CUL2: variants seen among roughly 807,000 people sequenced by gnomAD.
CUL2 encodes cullin-2.
CUL2 carries 22 observed loss-of-function variants against 110.2 expected under a neutral mutation model. That is an observed-to-expected ratio of 0.20 (90% CI 0.14 to 0.28). The LOEUF (loss-of-function observed/expected upper bound fraction) is 0.28, where lower values mean the gene tolerates loss of function less well. Among genes scored for constraint, CUL2 ranks in the 10% least tolerant of loss-of-function variants. The pLI is 1.00. For synonymous variants in CUL2, 279 were observed against 293.2 expected, an observed-to-expected ratio of 0.95 and a Z score of 0.49; for missense variants, 631 against 905.5, an observed-to-expected ratio of 0.70 and a Z score of 3.89.
At chr10:35,110,510 A>T (rs2087512212) in intron 1 of CUL2, among the ~76,000 whole-genome samples, 1 of 152,210 alleles carries the variant, frequency 6.6e-6, no homozygotes, top group Non-Finnish European at 1.5e-5. Flanking sequence ...GGTTGCAGTG[A>T]GCTAAGATCA....
chr10:35,107,730 A>T (rs191292369), intron 1 of CUL2, among the ~76,000 whole-genome samples: 242 of 151,842 alleles, frequency 1.6e-3, no homozygotes, highest in Admixed American at 3.3e-3. Flanking sequence ...AAAATACAAA[A>T]AATTAGCCAG....
At chr10:35,076,499 G>A (rs2086821113) in intron 1 of CUL2, among the ~76,000 whole-genome samples, 1 of 152,124 alleles carries the variant, frequency 6.6e-6, no homozygotes, top group Admixed American at 6.5e-5. Flanking sequence ...TGAGGTGGAA[G>A]TAAGTATCAA....
chr10:35,025,212 AAAAAAAC>A lies in CUL2; in HGVS notation c.1618-21_1618-15del. ...AAATAATTCAAACTGTAAAAAAAAA[AAAAAAAC>A]ACACATTATTTTTAGCTACTATAAC... On this transcript the variant is annotated splice_polypyrimidine_tract_variant and intron_variant, in intron 16 of 20. Coordinates refer to ENST00000374749, the MANE Select transcript of CUL2 (RefSeq NM_003591.4). The A allele has an allele frequency of 6.4e-7, 1 of 1,561,598 alleles. No homozygotes were observed. Among genetic ancestry groups the A allele is most frequent in the African/African-American group, 1.4e-5 (1 of 71,496 alleles).
chr10:35,065,389 G>A (rs1009743891), intron 2 of CUL2, among the ~76,000 whole-genome samples: 19 of 152,148 alleles, frequency 1.2e-4, no homozygotes, highest in African/African-American at 4.3e-4. Flanking sequence ...AGGAGGCCAA[G>A]GTGGGCAGAT....
chr10:35,083,599 CT>C (rs2086991845), intron 1 of CUL2, among the ~76,000 whole-genome samples: 1 of 152,168 alleles, frequency 6.6e-6, no homozygotes, highest in African/African-American at 2.4e-5. Flanking sequence ...ATAGAAGGTG[CT>C]TTCCCCCCAC....
upstream of CUL2, among the ~76,000 whole-genome samples, chr10:35,092,477 G>C (rs2087226313): frequency 6.6e-6 from 1 of 152,170 alleles, no homozygotes. Context: ...TTTGGCCCTT[G>C]AATACAAGTC....
chr10:35,101,268 C>T (rs2135107786), intron 1 of CUL2, among the ~76,000 whole-genome samples: 1 of 152,296 alleles, frequency 6.6e-6, no homozygotes. Context: ...CCTGATGCCG[C>T]TGGCAATAGT....
chr10:35,034,797 G>C (rs936034945), intron 10 of CUL2, among the ~76,000 whole-genome samples: 5 of 152,138 alleles, frequency 3.3e-5, no homozygotes, highest in African/African-American at 1.2e-4. Context: ...GATATGGAAA[G>C]GAGGCAAATT....
At chr10:35,096,249 G>GA (rs71033375) in intron 2 of CUL2, among the ~76,000 whole-genome samples, 20,451 of 151,644 alleles carry the variant, frequency 0.13, 1,568 homozygotes, top group South Asian at 0.2. Context: ...TCTCAGAAAA[G>GA]AAAAAAACAA....
intron 6 of CUL2, 42 bp downstream of exon 6, chr10:35,049,641 A>G (rs71487388): frequency 3.9e-6 from 6 of 1,524,220 alleles, no homozygotes; most frequent in Non-Finnish European, 5.4e-6. Flanking sequence ...ATATCAAACA[A>G]CAAAATAAAA....
chr10:35,031,474 T>A lies in CUL2; in HGVS notation c.1299+17A>T. The A allele has an allele frequency of 6.2e-7, 1 of 1,606,894 alleles. No individual in the cohort carries two copies. Among genetic ancestry groups the A allele is most frequent in the East Asian group, 2.2e-5 (1 of 44,742 alleles). The stretch of plus-strand genomic sequence containing the variant: ...GTTGACCAAAATACAAATGAAACTT[T>A]TCTGTTCACAACATACCTTTTGAAA... On this transcript the variant is annotated intron_variant, in intron 13 of 20. Coordinates refer to ENST00000374749, the MANE Select transcript of CUL2 (RefSeq NM_003591.4). This position sits in a 1 kb window ranked among gnomAD's most constrained non-coding sequence, Gnocchi z 4.4.
chr10:35,025,451 A>G (rs1052810815), intron 16 of CUL2, among the ~76,000 whole-genome samples: 1 of 152,196 alleles, frequency 6.6e-6, no homozygotes, highest in Non-Finnish European at 1.5e-5. Flanking sequence ...CAGCACTGCA[A>G]ATTTGACTTT....
rs1337134322 is a variant in CUL2, at chr10:35,044,696, C to A, written c.604-20G>T. The A allele has an allele frequency of 6.3e-7, 1 of 1,586,178 alleles. No individual in the cohort carries two copies. Among genetic ancestry groups the A allele is most frequent in the East Asian group, 2.2e-5 (1 of 44,588 alleles). On this transcript the variant is annotated intron_variant, in intron 7 of 20. Coordinates refer to ENST00000374749, the MANE Select transcript of CUL2 (RefSeq NM_003591.4). Reference sequence around the variant, plus strand: ...ATAAAACTGAATAAATCAATTACATCATATTAGAAGAAATTAGAACAAGCA... The same window carrying A: ...ATAAAACTGAATAAATCAATTACATAATATTAGAAGAAATTAGAACAAGCA...
intron 1 of CUL2, among the ~76,000 whole-genome samples, chr10:35,124,809 AAG>A (rs1357721905): frequency 6.6e-6 from 1 of 152,182 alleles, no homozygotes; most frequent in Non-Finnish European, 1.5e-5. Context: ...GGAGAGGAAA[AAG>A]AGGTGCTCCT....
At position 35,013,703 on chromosome 10, in the gene CUL2, G is replaced by T; in HGVS notation, c.1985C>A (p.Pro662Gln). The change falls in exon 19 of 21, where the codon CCA (proline) becomes CAA (glutamine). Residue 662 changes from proline to glutamine, a missense_variant. By Grantham distance (76) the Pro-to-Gln change is moderately conservative. Coordinates refer to ENST00000374749, the MANE Select transcript of CUL2 (RefSeq NM_003591.4). ...KITTSMQKDTPQEMEQTRSAV... is the reference protein window; with the variant it reads ...KITTSMQKDTQQEMEQTRSAV... ...CTTGACATTAAAAGCACTTACTTGT[G>T]GTGTGTCTTTCTGCATTGATGTAGT... The T allele has an allele frequency of 6.4e-7, 1 of 1,554,478 alleles. No individual in the cohort carries two copies. Among genetic ancestry groups the T allele is most frequent in the Non-Finnish European group, 8.7e-7 (1 of 1,143,858 alleles).
chr10:35,029,943 C>T (rs1339824926), intron 14 of CUL2, among the ~76,000 whole-genome samples: 2 of 152,144 alleles, frequency 1.3e-5, no homozygotes, highest in South Asian at 2.1e-4. Context: ...CAAAATGCCC[C>T]GTTACTATAC....
At chr10:35,061,303 G>A (rs899051292) in intron 3 of CUL2, among the ~76,000 whole-genome samples, 4 of 151,606 alleles carry the variant, frequency 2.6e-5, no homozygotes, top group East Asian at 1.9e-4. Context: ...GTGAAACCCC[G>A]TCTCTACTAA....
chr10:35,078,349 G>A (rs995209540), intron 1 of CUL2, among the ~76,000 whole-genome samples: 7 of 150,692 alleles, frequency 4.6e-5, no homozygotes, highest in Non-Finnish European at 8.8e-5. Context: ...AGGCTGGAGT[G>A]CAATGGCATG....
chr10:35,116,413 G>A (rs997628598), intron 1 of CUL2, among the ~76,000 whole-genome samples: 1 of 152,118 alleles, frequency 6.6e-6, no homozygotes, highest in African/African-American at 2.4e-5. Context: ...GAAATTCTCT[G>A]AAAGGCATAA....
Sources: gnomAD v4.1 joint callset for allele counts (sites outside exome capture counted in the v4.1 genomes callset) on GRCh38, gnomAD v4.1.1 for gene constraint, Gnocchi (gnomAD v3.1) non-coding constraint, MANE v1.5 for transcripts, NCBI Gene and HGNC (gene_info 2026-07-23, HGNC 2026-07-21) for gene names.